NOL10: variants seen among roughly 807,000 people sequenced by gnomAD.
The protein encoded by NOL10 is nucleolar protein 10, also known as H_NH0074G24.1.
In NOL10, 58 loss-of-function variants were observed where a neutral mutation model predicts 103.5. The observed-to-expected ratio is 0.56, with a 90% CI of 0.45 to 0.70. The LOEUF (loss-of-function observed/expected upper bound fraction) is 0.70. Among genes scored for constraint, NOL10 ranks in the 30% least tolerant of loss-of-function variants. The pLI, the probability that NOL10 is intolerant of heterozygous loss-of-function variation, is 0.00. For synonymous variants in NOL10, 287 were observed against 282.5 expected (o/e 1.02, Z -0.16); for missense variants, 763 against 807.3 (o/e 0.95, Z 0.67).
chr2:10,660,193 G>C (rs187735778), intron 9 of NOL10, among the ~76,000 whole-genome samples: 2 of 152,176 alleles, frequency 1.3e-5, no homozygotes, highest in Admixed American at 1.3e-4. Context: ...AACTGCGCTG[G>C]GGCACCTGTG....
At chr2:10,627,852 C>A (rs1176246255) in intron 13 of NOL10, among the ~76,000 whole-genome samples, 1 of 151,182 alleles carries the variant, frequency 6.6e-6, no homozygotes, top group Non-Finnish European at 1.5e-5. Flanking sequence ...ACAAAATACC[C>A]ATGTAACAAA....
chr2:10,610,401 T>C (rs1436669820), intron 13 of NOL10, among the ~76,000 whole-genome samples: 5 of 152,250 alleles, frequency 3.3e-5, no homozygotes, highest in Non-Finnish European at 7.3e-5. Context: ...GGGACAGGTC[T>C]AGTTATGGTA....
intron 9 of NOL10, among the ~76,000 whole-genome samples, chr2:10,661,533 G>A (rs555992892): frequency 1.3e-5 from 2 of 150,960 alleles, no homozygotes; most frequent in African/African-American, 4.9e-5. Flanking sequence ...CACCATGCCC[G>A]GCTAATTTTG....
At chr2:10,637,188 CAAAAAAAA>C (rs61693251) in intron 13 of NOL10, among the ~76,000 whole-genome samples, 2 of 44,524 alleles carry the variant, frequency 4.5e-5, no homozygotes, top group African/African-American at 8.5e-5. Context: ...GACACTGTCT[CAAAAAAAA>C]AAAAAAAAAA....
chr2:10,683,536 G>C (rs1308435587), intron 2 of NOL10, among the ~76,000 whole-genome samples: 1 of 152,202 alleles, frequency 6.6e-6, no homozygotes, highest in Non-Finnish European at 1.5e-5. Context: ...CCTTGGACCT[G>C]CATGCTTACT....
chr2:10,659,280 A>G (rs1680030227), intron 9 of NOL10, 30 bp from the exon 10 acceptor site: 3 of 1,301,336 alleles, frequency 2.3e-6, no homozygotes, highest in Non-Finnish European at 2.1e-6. Context: ...TGCTTCATGA[A>G]TATACGGCCA....
chr2:10,672,013 C>G lies in NOL10; in HGVS notation c.328-323G>C, dbSNP rs557412235. ...CATGGTACCCTCAATGATCAGTTCC[C>G]TCTTTCACTTGGGAACACATTTAAA... On this transcript the variant is annotated intron_variant, in intron 5 of 20. Transcript: ENST00000381685. 7.2e-5 allele frequency among the ~76,000 whole-genome samples: 11 copies of G among 152,296 alleles called. No individual in the cohort carries two copies. The East Asian group carries it at 2.1e-3, about 29-fold the overall frequency.
chr2:10,659,371 G>T, intron 9 of NOL10, 121 bp from the exon 10 acceptor site: 1 of 663,958 alleles, frequency 1.5e-6, no homozygotes. Context: ...CACATTTCTA[G>T]GCTTCTGTTT....
intron 12 of NOL10, among the ~76,000 whole-genome samples, chr2:10,649,228 G>A (rs1352529486): frequency 6.6e-6 from 1 of 151,358 alleles, no homozygotes; most frequent in Non-Finnish European, 1.5e-5. Flanking sequence ...AATCAATTAT[G>A]GTGAAGACAA....
intron 13 of NOL10, among the ~76,000 whole-genome samples, chr2:10,632,456 A>G (rs1245354072): frequency 6.6e-6 from 1 of 152,232 alleles, no homozygotes; most frequent in Non-Finnish European, 1.5e-5. Context: ...GCTGGTGTGT[A>G]GTTTCCCAAA....
At chr2:10,627,703 A>C (rs186658896) in intron 13 of NOL10, among the ~76,000 whole-genome samples, 1,914 of 151,396 alleles carry the variant, frequency 0.013, 20 homozygotes, top group Non-Finnish European at 0.02. Flanking sequence ...AACAAACAAA[A>C]AAAAACAAAC....
chr2:10,607,221 A>G lies in NOL10; in HGVS notation c.1117T>C (p.Tyr373His), dbSNP rs776395117. Residue 373 changes from tyrosine to histidine, a missense_variant, in exon 14 of 21, where the codon TAT (tyrosine) becomes CAT (histidine). Physicochemically the swap from Tyr to His is moderately conservative, Grantham distance 83 (BLOSUM62 2). Transcript: ENST00000381685. ...ENPESTVYDD[Y>H]KFVTKKDLEN... ...AGGTCTTTCTTGGTGACAAATTTAT[A>G]ATCATCATAGACTGTGCTTTCTGGA... 8.8e-6 allele frequency: 14 copies of G among 1,593,668 alleles called. No homozygotes were observed. In the South Asian group the frequency reaches 1.5e-4, roughly 17 times the overall value.
chr2:10,688,883 A>G (rs548910116), intron 1 of NOL10, among the ~76,000 whole-genome samples: 36 of 152,248 alleles, frequency 2.4e-4, no homozygotes, highest in Non-Finnish European at 1.6e-4. Context: ...AAGAAAGGAA[A>G]AACCTAAGCA....
At chr2:10,588,313 C>T (rs2148161477) in intron 19 of NOL10, among the ~76,000 whole-genome samples, 1 of 152,242 alleles carries the variant, frequency 6.6e-6, no homozygotes, top group Non-Finnish European at 1.5e-5. Flanking sequence ...GTTGTACAAC[C>T]ACCACTACCA....
chr2:10,685,488 TCCCCCCCCCCC>T (rs56198509), intron 1 of NOL10, among the ~76,000 whole-genome samples: 11 of 8,394 alleles, frequency 1.3e-3, no homozygotes, highest in East Asian at 9.7e-3. Context: ...AGAGACTCCG[TCCCCCCCCCCC>T]CCCCCCCCGC....
chr2:10,587,759 A>C (rs889621698), intron 19 of NOL10, among the ~76,000 whole-genome samples: 1 of 152,184 alleles, frequency 6.6e-6, no homozygotes, highest in Admixed American at 6.5e-5. Context: ...ATTTGCTAGA[A>C]GCTGGTGAAA....
intron 14 of NOL10, 38 bp downstream of exon 14, chr2:10,607,144 TAAA>T: frequency 7.3e-7 from 1 of 1,367,176 alleles, no homozygotes; most frequent in Non-Finnish European, 9.9e-7. Context: ...AAAGTAGAAA[TAAA>T]GTAATTACAT....
At chr2:10,613,194 G>A (rs940171772) in intron 13 of NOL10, among the ~76,000 whole-genome samples, 17 of 152,030 alleles carry the variant, frequency 1.1e-4, no homozygotes, top group Non-Finnish European at 2.5e-4. Context: ...TATGTTCCAA[G>A]TACAGTATAC....
At chr2:10,597,679 A>G (rs1479225660) in intron 17 of NOL10, among the ~76,000 whole-genome samples, 3 of 152,236 alleles carry the variant, frequency 2.0e-5, no homozygotes, top group Admixed American at 2.0e-4. Flanking sequence ...AATAGGTCTG[A>G]TTTGGGCTAG....
Sources: gnomAD v4.1 joint callset for allele counts (sites outside exome capture counted in the v4.1 genomes callset) on GRCh38, gnomAD v4.1.1 for gene constraint, MANE v1.5 for transcripts, NCBI Gene and HGNC (gene_info 2026-07-23, HGNC 2026-07-21) for gene names.